Variants in ZBTB41 observed in about 807,000 individuals in gnomAD.
ZBTB41 encodes the protein zinc finger and BTB domain-containing protein 41.
Under a neutral mutation model 87.6 loss-of-function variants are expected in ZBTB41, and 42 were observed. The observed-to-expected ratio is 0.48, with a 90% CI of 0.37 to 0.62. ZBTB41 has a LOEUF of 0.62. ZBTB41 is among the 20% of genes least tolerant of loss of function. The pLI is 0.00. For synonymous variants in ZBTB41, 364 were observed against 364.0 expected (o/e 1.00, Z 0.00); for missense variants, 799 against 1,078.9 (o/e 0.74, Z 3.63).
chr1:197,161,661 T>C (rs1571644308), intron 10 of ZBTB41, among the ~76,000 whole-genome samples: 2 of 152,214 alleles, frequency 1.3e-5, no homozygotes, highest in South Asian at 2.1e-4. Flanking sequence ...TTTTTAACTG[T>C]GTATAGAACA....
rs1660281974 is a variant in ZBTB41 at position 197,200,321 on chromosome 1, G to C, written c.153C>G (p.Tyr51Ter). Residue 51 changes from tyrosine (Y) to a stop codon, truncating the protein, a stop_gained, in exon 2 of 11, where the codon TAC (tyrosine) becomes TAG (stop). Coordinates refer to ENST00000367405, the MANE Select transcript of ZBTB41 (RefSeq NM_194314.3). LOFTEE classifies it high-confidence loss of function. ...GRPTPEALHC[Y>*]QELPPSPDQR... ...GATCTGGAGAGGGAGGAAGTTCCTG[G>C]TAACAGTGAAGAGCTTCAGGAGTTG... 6.2e-7 allele frequency: 1 copy of C among 1,614,134 alleles called. No individual in the cohort carries two copies. The highest frequency in any genetic ancestry group is 8.5e-7 in the Non-Finnish European group (1 of 1,180,014).
At chr1:197,174,948 T>C (rs1557979117) in intron 9 of ZBTB41, 62 bp downstream of exon 9, 1 of 1,375,544 alleles carries the variant, frequency 7.3e-7, no homozygotes, top group African/African-American at 1.5e-5. Flanking sequence ...ACAAAAAAAG[T>C]TACAACTTTC....
intron 10 of ZBTB41, among the ~76,000 whole-genome samples, chr1:197,167,345 C>A (rs1659373076): frequency 6.6e-6 from 1 of 152,102 alleles, no homozygotes; most frequent in African/African-American, 2.4e-5. Flanking sequence ...CAGGCATGCG[C>A]CACCACGCTT....
chr1:197,182,162 TA>T (rs1659762743), intron 5 of ZBTB41, among the ~76,000 whole-genome samples: 1 of 151,966 alleles, frequency 6.6e-6, no homozygotes, highest in Non-Finnish European at 1.5e-5. Context: ...CGTGCCAAAA[TA>T]AGGTTATTAT....
intron 2 of ZBTB41, among the ~76,000 whole-genome samples, chr1:197,194,079 C>G (rs985237158): frequency 6.6e-6 from 1 of 151,852 alleles, no homozygotes; most frequent in Non-Finnish European, 1.5e-5. Flanking sequence ...AGTGCACTGG[C>G]GCGATCTCGG....
At chr1:197,186,694 T>G (rs1659892857) in intron 5 of ZBTB41, among the ~76,000 whole-genome samples, 1 of 152,110 alleles carries the variant, frequency 6.6e-6, no homozygotes, top group Non-Finnish European at 1.5e-5. Flanking sequence ...AAACCCCATC[T>G]CTATTAAAAA....
intron 10 of ZBTB41, among the ~76,000 whole-genome samples, chr1:197,163,024 A>AT (rs1309485348): frequency 1.3e-5 from 2 of 152,318 alleles, no homozygotes; most frequent in African/African-American, 4.8e-5. Context: ...GTTGACCAAT[A>AT]TTTCAGCAAT....
chr1:197,192,935 A>G (rs1660070518), intron 2 of ZBTB41, among the ~76,000 whole-genome samples: 2 of 152,126 alleles, frequency 1.3e-5, no homozygotes, highest in Non-Finnish European at 2.9e-5. Flanking sequence ...CATATTTTCT[A>G]AAAATAATAA....
intron 10 of ZBTB41, among the ~76,000 whole-genome samples, chr1:197,171,926 C>T (rs894618065): frequency 2.0e-5 from 3 of 151,608 alleles, no homozygotes; most frequent in Non-Finnish European, 4.4e-5. Context: ...AAAGTTTTCT[C>T]AAGTTTTGTA....
chr1:197,164,817 T>G (rs1251137462), intron 10 of ZBTB41, among the ~76,000 whole-genome samples: 1 of 121,318 alleles, frequency 8.2e-6, no homozygotes, highest in African/African-American at 3.6e-5. Flanking sequence ...ATATATATTA[T>G]ATATAATACA....
At chr1:197,167,407 C>A (rs1659374332) in intron 10 of ZBTB41, among the ~76,000 whole-genome samples, 1 of 152,076 alleles carries the variant, frequency 6.6e-6, no homozygotes, top group African/African-American at 2.4e-5. Flanking sequence ...GTTTCCCAGG[C>A]TGGTCTTGAA....
In ZBTB41 at chr1:197,191,766, A is replaced by G; in HGVS notation, c.1254T>C (p.His418=). 6.2e-7 allele frequency: 1 copy of G among 1,613,860 alleles called. No individual in the cohort carries two copies. The highest frequency in any genetic ancestry group is 8.5e-7 in the Non-Finnish European group (1 of 1,179,904). Residue 418 remains histidine, a synonymous_variant, in exon 3 of 11, where the codon CAT becomes CAC. Transcript: ENST00000367405. Reference sequence around the variant, plus strand: ...AATAAGGGCACTTGTGCTCCTTCTTATGAAATTCTGTTTCATTACTGTGCT... The same window carrying G: ...AATAAGGGCACTTGTGCTCCTTCTTGTGAAATTCTGTTTCATTACTGTGCT... ...RKKHSNETEF[H]KKEHKCPYCN...
Position 197,153,859 on chromosome 1 carries a change from A to G in ZBTB41, c.*5500T>C, listed in dbSNP as rs1659001712. ...AAAACTCACAAGATATTTTACACAC[A>G]GTTCACAATAATTAATTCTGATATT... is the stretch of plus-strand genomic sequence containing the variant. On this transcript the variant is annotated 3_prime_UTR_variant, in exon 11 of 11. Coordinates refer to ENST00000367405, the MANE Select transcript of ZBTB41 (RefSeq NM_194314.3). 2 of 152,326 alleles carry G rather than the reference A, an allele frequency of 1.3e-5. No individual in the cohort carries two copies. Among genetic ancestry groups the G allele is most frequent in the South Asian group, 4.1e-4 (2 of 4,828 alleles). The allele number at this position is 152,326 out of a possible 1,614,324, so 9.4% of individuals were successfully genotyped here. A position where few individuals can be genotyped will look rare whatever the true frequency, so the allele number is the denominator to read the frequency against.
intron 8 of ZBTB41, 77 bp from the exon 9 acceptor site, chr1:197,175,192 G>T: frequency 2.5e-6 from 3 of 1,207,954 alleles, no homozygotes; most frequent in Non-Finnish European, 3.5e-6. Context: ...CTATCAAACA[G>T]TAAGATCACA....
At position 197,174,967 on chromosome 1, in the gene ZBTB41, C is replaced by G. The variant is rs75233406; in HGVS notation, c.1985+43G>C. Reference sequence around the variant, plus strand: ...AAAAAGTTACAACTTTCCTCAGAGACTTAGCCAATGTAAACTATGAGACAT... The same window carrying G: ...AAAAAGTTACAACTTTCCTCAGAGAGTTAGCCAATGTAAACTATGAGACAT... On this transcript the variant is annotated intron_variant, in intron 9 of 10. Transcript: ENST00000367405. The G allele has an allele frequency of 5.5e-3, 8,326 of 1,511,196 alleles. 45 individuals carry two copies. The highest frequency in any genetic ancestry group is 6.5e-3 in the Non-Finnish European group (7,083 of 1,097,516). The allele number at this position is 1,511,196 out of a possible 1,614,324, so 93.6% of individuals were successfully genotyped here. A position where few individuals can be genotyped will look rare whatever the true frequency, so the allele number is the denominator to read the frequency against.
intron 10 of ZBTB41, among the ~76,000 whole-genome samples, chr1:197,171,126 G>C (rs1181418786): frequency 6.6e-6 from 1 of 152,030 alleles, no homozygotes; most frequent in African/African-American, 2.4e-5. Context: ...ATCATCAATG[G>C]TTTGAAATTA....
intron 6 of ZBTB41, among the ~76,000 whole-genome samples, chr1:197,180,715 T>C (rs1659724087): frequency 6.7e-6 from 1 of 149,432 alleles, no homozygotes; most frequent in African/African-American, 2.6e-5. Flanking sequence ...TTATTCTTTT[T>C]AAAAAACAAA....
chr1:197,168,183 C>T (rs910921523), intron 10 of ZBTB41, among the ~76,000 whole-genome samples: 15 of 151,720 alleles, frequency 9.9e-5, no homozygotes, highest in Admixed American at 2.0e-4. Flanking sequence ...AATACCTAGG[C>T]ATAAATCTAA....
chr1:197,182,567 G>A (rs960118954), intron 5 of ZBTB41, among the ~76,000 whole-genome samples: 23 of 152,044 alleles, frequency 1.5e-4, no homozygotes, highest in African/African-American at 5.3e-4. Flanking sequence ...GAGTCACCAT[G>A]CCTGGCCAAG....
Sources: allele counts gnomAD v4.1 joint callset (sites outside exome capture counted in the v4.1 genomes callset), GRCh38; gene constraint gnomAD v4.1.1; transcripts MANE v1.5; gene names NCBI Gene and HGNC (gene_info 2026-07-23, HGNC 2026-07-21).